STPG1: variants seen among roughly 807,000 people sequenced by gnomAD.
STPG1 encodes the protein sperm tail PG-rich repeat containing 1.
STPG1 carries 33 observed loss-of-function variants against 40.1 expected under a neutral mutation model. That is an observed-to-expected ratio of 0.82 (90% CI 0.62 to 1.10). STPG1 has a LOEUF of 1.10. Ranked by LOEUF, STPG1 falls within the 50% of genes least tolerant of loss-of-function variation. The pLI is 0.00. For missense variants in STPG1, 396 were observed against 415.1 expected (o/e 0.95, Z 0.40); for synonymous variants, 150 against 155.0 (o/e 0.97, Z 0.24).
chr1:24,362,437 C>G (rs1362048581), intron 7 of STPG1, among the ~76,000 whole-genome samples: 2 of 152,164 alleles, frequency 1.3e-5, no homozygotes, highest in African/African-American at 4.8e-5. Context: ...TCTAGTCATG[C>G]CACTTACTGG....
Position 24,401,451 on chromosome 1 carries a change from A to G in STPG1, c.-63T>C. ...GAAAAGTTCTACTGCATGTTCTCCT[A>G]AGCACCTGAAACAGCAAAACACAGC... On this transcript the variant is annotated 5_prime_UTR_variant, in exon 2 of 9. Coordinates refer to ENST00000337248, the MANE Select transcript of STPG1 (RefSeq NM_001199013.2). 1 of 1,415,010 alleles carries G rather than the reference A, an allele frequency of 7.1e-7. No individual in the cohort carries two copies. Among genetic ancestry groups the G allele is most frequent in the Non-Finnish European group, 1.0e-6 (1 of 1,003,662 alleles). The allele number at this position is 1,415,010 out of a possible 1,614,324, so 87.7% of individuals were successfully genotyped here.
chr1:24,357,715 A>T lies in STPG1; in HGVS notation c.*828T>A, dbSNP rs1640815063. Reference sequence around the variant, plus strand: ...CCTGGCAGCTCCCCACCCACCGCGAATCTGTGCAGCCTCCACCAAAACCAC... The same window carrying T: ...CCTGGCAGCTCCCCACCCACCGCGATTCTGTGCAGCCTCCACCAAAACCAC... On this transcript the variant is annotated 3_prime_UTR_variant, in exon 9 of 9. Coordinates refer to ENST00000337248, the MANE Select transcript of STPG1 (RefSeq NM_001199013.2). 6.0e-6 allele frequency: 1 copy of T among 167,454 alleles called. No homozygotes were observed. Among genetic ancestry groups the T allele is most frequent in the Non-Finnish European group, 1.3e-5 (1 of 74,490 alleles). 10.4% of individuals were successfully genotyped at this position (167,454 alleles called of 1,614,324 possible). A position where few individuals can be genotyped will look rare whatever the true frequency, so the allele number is the denominator to read the frequency against.
In STPG1 at chr1:24,363,616, GAAGA is replaced by G. The variant is rs148569290; in HGVS notation, c.738-2579_738-2576del. The stretch of plus-strand genomic sequence containing the variant: ...TAATACCTACTACCCAGATTGTTAG[GAAGA>G]TTGTGCTTTACTTGTAACATTTGTT... On this transcript the variant is annotated intron_variant, in intron 7 of 8. Transcript: ENST00000337248. 8.3e-3 allele frequency among the ~76,000 whole-genome samples: 1,258 copies of G among 152,344 alleles called. 11 individuals are homozygous for G. The highest frequency in any genetic ancestry group is 0.027 in the African/African-American group (1,132 of 41,564).
chr1:24,378,643 C>T (rs1570028683), intron 5 of STPG1, among the ~76,000 whole-genome samples: 1 of 152,194 alleles, frequency 6.6e-6, no homozygotes, highest in Non-Finnish European at 1.5e-5. Flanking sequence ...AGCTTGAATC[C>T]ATCATAGAAG....
At chr1:24,387,386 C>T (rs1041994307) in intron 3 of STPG1, among the ~76,000 whole-genome samples, 2 of 152,112 alleles carry the variant, frequency 1.3e-5, no homozygotes, top group Non-Finnish European at 2.9e-5. Flanking sequence ...CTGGAAAGGA[C>T]AGCAATGACC....
chr1:24,368,513 A>C lies in STPG1; in HGVS notation c.737+1161T>G, dbSNP rs77943702. 7.4e-4 allele frequency among the ~76,000 whole-genome samples: 113 copies of C among 152,348 alleles called. No individual in the cohort carries two copies. The East Asian group carries it at 0.018, about 24-fold the overall frequency. Reference sequence around the variant, plus strand: ...TAACAGGAGGACTAACCCTAACTGCAGTTAGTTCCAGAAGTTCTAGAACCA... The same window carrying C: ...TAACAGGAGGACTAACCCTAACTGCCGTTAGTTCCAGAAGTTCTAGAACCA... On this transcript the variant is annotated intron_variant, in intron 7 of 8. Transcript: ENST00000337248.
Position 24,382,917 on chromosome 1 carries a change from C to CTTTT in STPG1, c.291+981_291+984dup, listed in dbSNP as rs56972835. On this transcript the variant is annotated intron_variant, in intron 4 of 8. Transcript: ENST00000337248. ...AGAGTCTGGGCTTGCTTTCTTTTCA[C>CTTTT]TTTTTTTTTTTTTGGACAGAGTCTG... 2.7e-4 allele frequency among the ~76,000 whole-genome samples: 36 copies of CTTTT among 133,500 alleles called. 3 individuals carry two copies. The highest frequency in any genetic ancestry group is 1.0e-3 in the African/African-American group (35 of 34,286). 87.6% of individuals were successfully genotyped at this position (133,500 alleles called of 152,430 possible). A position where few individuals can be genotyped will look rare whatever the true frequency, so the allele number is the denominator to read the frequency against.
At position 24,396,594 on chromosome 1, in the gene STPG1, C is replaced by A. The variant is rs1051349754; in HGVS notation, c.70+4725G>T. ...ATAAACAAACTGGGGTGGCCGTGTTCCAATAAAACTTTATTAATAGAAATA... is the reference window on the plus strand; with the variant it reads ...ATAAACAAACTGGGGTGGCCGTGTTACAATAAAACTTTATTAATAGAAATA... On this transcript the variant is annotated intron_variant, in intron 2 of 8. Coordinates refer to ENST00000337248, the MANE Select transcript of STPG1 (RefSeq NM_001199013.2). Among the ~76,000 whole-genome samples, 3 of 152,106 alleles carry A rather than the reference C, an allele frequency of 2.0e-5. No homozygotes were observed. In the South Asian group the frequency reaches 6.2e-4, roughly 32 times the overall value.
intron 1 of STPG1, among the ~76,000 whole-genome samples, chr1:24,405,527 C>G (rs984526249): frequency 6.6e-6 from 1 of 152,044 alleles, no homozygotes; most frequent in African/African-American, 2.4e-5. Flanking sequence ...TTATAAATGT[C>G]AATTAGGTAG....
rs1230268320 is a variant in STPG1, at chr1:24,357,273, AGAG to A, written c.*1267_*1269del. On this transcript the variant is annotated 3_prime_UTR_variant, in exon 9 of 9. Coordinates refer to ENST00000337248, the MANE Select transcript of STPG1 (RefSeq NM_001199013.2). ...AGGTGATGTGTGAAGGTTAAATGACAGAGGAGTGTGGAACCACAGCCATGCTGT... is the reference window on the plus strand; with the variant it reads ...AGGTGATGTGTGAAGGTTAAATGACAGAGTGTGGAACCACAGCCATGCTGT... 1.3e-5 allele frequency: 2 copies of A among 152,238 alleles called. No homozygotes were observed. The highest frequency in any genetic ancestry group is 2.9e-5 in the Non-Finnish European group (2 of 68,060). The allele number at this position is 152,238 out of a possible 1,614,324, so 9.4% of individuals were successfully genotyped here.
chr1:24,412,170 C>G (rs1179848964), intron 1 of STPG1: 1 of 152,248 alleles, frequency 6.6e-6, no homozygotes, highest in African/African-American at 2.4e-5. Flanking sequence ...AGCCACTGTT[C>G]TATATGACTA....
chr1:24,388,014 T>C (rs1007006116), intron 3 of STPG1, among the ~76,000 whole-genome samples: 1 of 152,202 alleles, frequency 6.6e-6, no homozygotes, highest in Non-Finnish European at 1.5e-5. Flanking sequence ...GGAGGGTAGA[T>C]TTACTATGTA....
intron 5 of STPG1, among the ~76,000 whole-genome samples, chr1:24,377,486 G>C (rs1056292332): frequency 1.3e-5 from 2 of 151,970 alleles, no homozygotes; most frequent in African/African-American, 4.8e-5. Flanking sequence ...CAGGACCTTG[G>C]CACATGCTCT....
At chr1:24,360,602 G>A (rs1641040920) in intron 8 of STPG1, among the ~76,000 whole-genome samples, 5 of 152,108 alleles carry the variant, frequency 3.3e-5, no homozygotes, top group Admixed American at 3.3e-4. Flanking sequence ...GACTATCTTT[G>A]AATCTTTTAG....
At chr1:24,367,202 C>G (rs545424354) in intron 7 of STPG1, among the ~76,000 whole-genome samples, 2 of 152,186 alleles carry the variant, frequency 1.3e-5, no homozygotes, top group Non-Finnish European at 2.9e-5. Context: ...GCGTGGTGTC[C>G]TGTTCACCTG....
At chr1:24,405,772 C>T (rs1386665166) in intron 1 of STPG1, among the ~76,000 whole-genome samples, 1 of 151,794 alleles carries the variant, frequency 6.6e-6, no homozygotes, top group Non-Finnish European at 1.5e-5. Flanking sequence ...TTACGAAATA[C>T]CCTGCTTTAG....
chr1:24,373,638 C>T, intron 6 of STPG1, 64 bp downstream of exon 6: 1 of 1,080,860 alleles, frequency 9.3e-7, no homozygotes, highest in Non-Finnish European at 1.4e-6. Context: ...GAAGTAGGTG[C>T]CCTGCAAATC....
At chr1:24,403,006 G>T (rs1268892021) in intron 1 of STPG1, among the ~76,000 whole-genome samples, 1 of 151,992 alleles carries the variant, frequency 6.6e-6, no homozygotes, top group Non-Finnish European at 1.5e-5. Context: ...TCTTTTGTCA[G>T]ATCTAAGCAA....
At chr1:24,380,374 C>T (rs1439227319) in intron 4 of STPG1, among the ~76,000 whole-genome samples, 1 of 152,186 alleles carries the variant, frequency 6.6e-6, no homozygotes, top group Non-Finnish European at 1.5e-5. Flanking sequence ...ACCAATCCCA[C>T]CCTTTCAGGA....
Sources: gnomAD v4.1 joint callset for allele counts (sites outside exome capture counted in the v4.1 genomes callset) on GRCh38, gnomAD v4.1.1 for gene constraint, MANE v1.5 for transcripts, NCBI Gene and HGNC (gene_info 2026-07-23, HGNC 2026-07-21) for gene names.